The following CAPRIN1 variants were observed in gnomAD, a reference collection of about 807,000 sequenced individuals.
CAPRIN1 encodes caprin-1.
CAPRIN1 carries 29 observed loss-of-function variants against 100.9 expected under a neutral mutation model. The ratio of observed to expected loss-of-function variants is 0.29; its 90% CI spans 0.21 to 0.39. CAPRIN1 has a LOEUF of 0.39. Among genes scored for constraint, CAPRIN1 ranks in the 10% least tolerant of loss-of-function variants. The pLI, the probability that CAPRIN1 is intolerant of heterozygous loss-of-function variation, is 1.00. For missense variants in CAPRIN1, 795 were observed against 876.7 expected (o/e 0.91, Z 1.18); for synonymous variants, 338 against 307.5 (o/e 1.10, Z -1.04).
At chr11:34,064,922 A>G (rs68136693) in intron 2 of CAPRIN1, among the ~76,000 whole-genome samples, 1,532 of 150,860 alleles carry the variant, frequency 0.01, 23 homozygotes, top group Non-Finnish European at 0.011. Context: ...TTATTAAACA[A>G]CTTACTTCCA....
chr11:34,080,121 C>G (rs1309793092), intron 7 of CAPRIN1, among the ~76,000 whole-genome samples: 3 of 152,006 alleles, frequency 2.0e-5, no homozygotes, highest in Admixed American at 2.0e-4. Context: ...GACGGGGTTT[C>G]ACTGTGTTGG....
At chr11:34,090,899 C>A (rs1016545599) in intron 14 of CAPRIN1, among the ~76,000 whole-genome samples, 1 of 152,106 alleles carries the variant, frequency 6.6e-6, no homozygotes, top group Non-Finnish European at 1.5e-5. Context: ...GTGCCTGTAT[C>A]ATCTTAATTT....
At chr11:34,081,014 A>G (rs559531044) in intron 7 of CAPRIN1, among the ~76,000 whole-genome samples, 2 of 152,334 alleles carry the variant, frequency 1.3e-5, no homozygotes, top group South Asian at 2.1e-4. Flanking sequence ...GGCTTTTAAT[A>G]TAGTAGCTCT....
rs78126719 is a variant in CAPRIN1, at chr11:34,102,496, G to A, written c.*3129G>A. Among the ~76,000 whole-genome samples, 1,507 of 152,242 alleles carry A rather than the reference G, an allele frequency of 9.9e-3. 32 individuals carry two copies. Among genetic ancestry groups the A allele is most frequent in the African/African-American group, 0.033 (1,391 of 41,530 alleles). ...GGGGAGGAAGACCCCTCAGGAAAACGAAAGTAAATTGTTAAGGCTCATCTT... is the reference window on the plus strand; with the variant it reads ...GGGGAGGAAGACCCCTCAGGAAAACAAAAGTAAATTGTTAAGGCTCATCTT... On this transcript the variant is annotated 3_prime_UTR_variant, in exon 19 of 19. Coordinates refer to ENST00000341394, the MANE Select transcript of CAPRIN1 (RefSeq NM_005898.5).
rs888489018 is a variant in CAPRIN1, at chr11:34,052,948, G to A, written c.216+312G>A. 32 of 1,210,846 alleles carry A rather than the reference G, an allele frequency of 2.6e-5. 1 individual carries two copies. In the South Asian group the frequency reaches 5.6e-4, roughly 21 times the overall value. The allele number at this position is 1,210,846 out of a possible 1,614,324, so 75.0% of individuals were successfully genotyped here. On this transcript the variant is annotated intron_variant, in intron 2 of 18. Transcript: ENST00000341394. ...GGACATGTGAGGGTGGGGGCCTGTC[G>A]TCAGGACTTCACTGTATGGTGCCCT...
At chr11:34,052,749 C>T (rs910358967) in intron 2 of CAPRIN1, 113 bp downstream of exon 2, 18 of 1,418,120 alleles carry the variant, frequency 1.3e-5, no homozygotes, top group African/African-American at 5.8e-5. Flanking sequence ...TTACTAGGTC[C>T]CCTCCTCCCA....
chr11:34,065,748 G>A (rs1417175313), intron 2 of CAPRIN1, among the ~76,000 whole-genome samples: 1 of 152,108 alleles, frequency 6.6e-6, no homozygotes, highest in Non-Finnish European at 1.5e-5. Context: ...TTTTAATTAA[G>A]TTTTTATTGT....
At chr11:34,073,273 C>G (rs1313883126) in intron 4 of CAPRIN1, among the ~76,000 whole-genome samples, 1 of 152,108 alleles carries the variant, frequency 6.6e-6, no homozygotes, top group African/African-American at 2.4e-5. Flanking sequence ...TTTCACTGTT[C>G]TTGTATTAGT....
intron 15 of CAPRIN1, among the ~76,000 whole-genome samples, chr11:34,093,389 T>C (rs916310592): frequency 2.0e-5 from 3 of 152,022 alleles, no homozygotes; most frequent in Admixed American, 6.6e-5. Context: ...CTCTACCTTA[T>C]AGGCATGAGC....
chr11:34,084,186 T>C (rs534358405), intron 9 of CAPRIN1, among the ~76,000 whole-genome samples: 130 of 152,034 alleles, frequency 8.6e-4, no homozygotes, highest in African/African-American at 3.0e-3. Context: ...ATTCCTGACC[T>C]CAAGTGATCT....
chr11:34,094,952 G>A (rs868867725), intron 15 of CAPRIN1, among the ~76,000 whole-genome samples: 3 of 151,760 alleles, frequency 2.0e-5, no homozygotes, highest in African/African-American at 7.3e-5. Context: ...GTACGATCTC[G>A]GCTCACTACA....
At chr11:34,091,609 T>A (rs1851266562) in intron 14 of CAPRIN1, 1 of 191,720 alleles carries the variant, frequency 5.2e-6, no homozygotes, top group African/African-American at 2.4e-5. Context: ...TTAAAAAGAT[T>A]TCTCATATAT....
At chr11:34,079,919 T>G (rs1052027418) in intron 7 of CAPRIN1, among the ~76,000 whole-genome samples, 154 bp downstream of exon 7, 35 of 3,216 alleles carry the variant, frequency 0.011, no homozygotes, top group African/African-American at 0.023. Flanking sequence ...TTTTTTTTTT[T>G]TTTTTTTTTT....
intron 11 of CAPRIN1, 37 bp downstream of exon 11, chr11:34,086,450 T>C (rs752261185): frequency 3.4e-6 from 4 of 1,189,902 alleles, no homozygotes; most frequent in Admixed American, 4.2e-5. Context: ...GAGAGAAATA[T>C]AAGGCCAGTA....
intron 2 of CAPRIN1, among the ~76,000 whole-genome samples, chr11:34,061,289 C>T (rs751074063): frequency 6.7e-6 from 1 of 150,290 alleles, no homozygotes; most frequent in Admixed American, 6.7e-5. Flanking sequence ...TCACTGCAAC[C>T]TCTGCCTCCC....
chr11:34,057,585 TTTTAGAAAAACTAACACTTTTCC>T (rs1416339334), intron 2 of CAPRIN1, among the ~76,000 whole-genome samples: 1 of 152,230 alleles, frequency 6.6e-6, no homozygotes, highest in Non-Finnish European at 1.5e-5. Context: ...CTGTTTCATC[TTTTAGAAAAACTAACACTTTTCC>T]TTTAGTAAAA....
At chr11:34,057,512 A>G (rs1590718276) in intron 2 of CAPRIN1, among the ~76,000 whole-genome samples, 2 of 152,166 alleles carry the variant, frequency 1.3e-5, no homozygotes, top group African/African-American at 2.4e-5. Context: ...TAAGCATACA[A>G]TTTGCCAAAA....
intron 16 of CAPRIN1, 66 bp downstream of exon 16, chr11:34,096,739 AAT>A (rs1214920604): frequency 3.7e-5 from 46 of 1,248,748 alleles, no homozygotes; most frequent in Non-Finnish European, 4.7e-5. Flanking sequence ...TGATTTGTAA[AAT>A]ATATCACACA....
chr11:34,056,307 CAG>C (rs746514748), intron 2 of CAPRIN1, among the ~76,000 whole-genome samples: 38 of 151,702 alleles, frequency 2.5e-4, no homozygotes, highest in Non-Finnish European at 4.4e-4. Context: ...TAAATTAAAA[CAG>C]AGAATTGAAA....
Sources: allele counts gnomAD v4.1 joint callset (sites outside exome capture counted in the v4.1 genomes callset), GRCh38; gene constraint gnomAD v4.1.1; transcripts MANE v1.5; gene names NCBI Gene and HGNC (gene_info 2026-07-23, HGNC 2026-07-21).